Variants in KLF12 observed in about 807,000 individuals in gnomAD.
The protein encoded by KLF12 is KLF transcription factor 12.
A neutral mutation model predicts 37.8 loss-of-function variants in KLF12; 9 were observed. The ratio of observed to expected loss-of-function variants is 0.24; its 90% confidence interval spans 0.14 to 0.42. The LOEUF is 0.42. Ranked by LOEUF, KLF12 falls within the 10% of genes least tolerant of loss-of-function variation. The pLI is 1.00. For synonymous variants in KLF12, 208 were observed against 202.1 expected (o/e 1.03, Z -0.25); for missense variants, 411 against 516.0 (o/e 0.80, Z 1.97).
chr13:74,260,574 T>TAAATAAAATA, the KLF12 span, among the ~76,000 whole-genome samples: 463 of 100,338 alleles, frequency 4.6e-3, 6 homozygotes, highest in South Asian at 8.7e-3. Flanking sequence ...TAAAATAAAA[T>TAAATAAAATA]AAATAAAATA....
intron 2 of KLF12, among the ~76,000 whole-genome samples, chr13:73,962,791 T>C (rs1316227020): frequency 6.6e-6 from 1 of 152,224 alleles, no homozygotes; most frequent in East Asian, 1.9e-4. Context: ...ATGCATTTCC[T>C]AACTCACTTC....
intron 2 of KLF12, among the ~76,000 whole-genome samples, chr13:73,970,748 G>T (rs1285446386): frequency 6.6e-6 from 1 of 152,162 alleles, no homozygotes; most frequent in Non-Finnish European, 1.5e-5. Flanking sequence ...ACATTAGCCA[G>T]CAAAGCACAT....
At chr13:73,913,022 T>A (rs570252912) in intron 3 of KLF12, among the ~76,000 whole-genome samples, 17 of 152,180 alleles carry the variant, frequency 1.1e-4, no homozygotes, top group African/African-American at 3.9e-4. Flanking sequence ...CTGGCCAAGA[T>A]GAGCACTGTG....
intron 1 of KLF12, among the ~76,000 whole-genome samples, chr13:74,088,730 C>A (rs1286659008): frequency 1.3e-5 from 2 of 152,124 alleles, no homozygotes; most frequent in African/African-American, 4.8e-5. Context: ...TCATTCAATG[C>A]CTAAACTTGT....
At chr13:73,783,313 A>G (rs931987941) in intron 5 of KLF12, among the ~76,000 whole-genome samples, 1 of 152,186 alleles carries the variant, frequency 6.6e-6, no homozygotes, top group Non-Finnish European at 1.5e-5. Flanking sequence ...GATGGTTACC[A>G]GAGGCTGGGA....
At chr13:74,159,556 C>T in the KLF12 span, among the ~76,000 whole-genome samples, 1 of 152,124 alleles carries the variant, frequency 6.6e-6, no homozygotes, top group Non-Finnish European at 1.5e-5. Context: ...ATTACTTTAG[C>T]CTGCTCTGGA....
chr13:73,793,308 G>A (rs138207908), intron 5 of KLF12, among the ~76,000 whole-genome samples: 2 of 152,198 alleles, frequency 1.3e-5, no homozygotes, highest in African/African-American at 4.8e-5. Flanking sequence ...ACAGTTATAG[G>A]CTCCAAGTTT....
At chr13:73,893,657 C>T (rs1232682985) in intron 3 of KLF12, among the ~76,000 whole-genome samples, 3 of 152,158 alleles carry the variant, frequency 2.0e-5, no homozygotes, top group African/African-American at 4.8e-5. Flanking sequence ...GCTGGGATTA[C>T]AGGCGTGAGC....
chr13:74,062,974 G>A (rs896898761), intron 1 of KLF12, among the ~76,000 whole-genome samples: 6 of 152,294 alleles, frequency 3.9e-5, no homozygotes, highest in East Asian at 1.9e-4. Context: ...AAGCCCTCAT[G>A]CTTCCCAGAG....
intron 3 of KLF12, among the ~76,000 whole-genome samples, chr13:73,940,328 C>T (rs1479407689): frequency 6.6e-6 from 1 of 152,142 alleles, no homozygotes; most frequent in East Asian, 1.9e-4. Flanking sequence ...GCAGCATGTG[C>T]TGTGTTACCG....
At chr13:74,305,154 T>C in the KLF12 span, among the ~76,000 whole-genome samples, 299 of 152,232 alleles carry the variant, frequency 2.0e-3, 2 homozygotes, top group Non-Finnish European at 3.1e-3. Context: ...TTTTCTGTAC[T>C]TCATGTTGCT....
At chr13:73,730,861 G>A (rs942904910) in intron 6 of KLF12, among the ~76,000 whole-genome samples, 17 of 152,142 alleles carry the variant, frequency 1.1e-4, no homozygotes, top group East Asian at 3.8e-4. Context: ...CCAGGGCCAC[G>A]TATGACAGAC....
chr13:74,122,960 TAAAA>T (rs58691841), intron 1 of KLF12, among the ~76,000 whole-genome samples: 1 of 113,890 alleles, frequency 8.8e-6, no homozygotes. Flanking sequence ...AACAGGTCAC[TAAAA>T]AAAAAAAAAA....
chr13:74,136,826 A>G (rs1157348300), upstream of KLF12, among the ~76,000 whole-genome samples: 1 of 152,146 alleles, frequency 6.6e-6, no homozygotes, highest in African/African-American at 2.4e-5. Flanking sequence ...AAAGATGCAG[A>G]TTTTAAAAAT....
chr13:73,866,183 A>G (rs888222252), intron 3 of KLF12, among the ~76,000 whole-genome samples: 1 of 152,178 alleles, frequency 6.6e-6, no homozygotes, highest in Non-Finnish European at 1.5e-5. Context: ...TGAACCTGGA[A>G]GGCAGAGGTT....
chr13:74,271,757 A>G, the KLF12 span, among the ~76,000 whole-genome samples: 2 of 152,194 alleles, frequency 1.3e-5, no homozygotes, highest in African/African-American at 2.4e-5. Context: ...AAGGTAGGCA[A>G]GTCAGGTATG....
the KLF12 span, among the ~76,000 whole-genome samples, chr13:74,139,648 CTCT>C: frequency 2.0e-5 from 3 of 151,680 alleles, no homozygotes; most frequent in East Asian, 3.9e-4. Context: ...AATTATATTC[CTCT>C]TCATTTTTTA....
chr13:74,269,332 T>C, the KLF12 span, among the ~76,000 whole-genome samples: 1 of 152,214 alleles, frequency 6.6e-6, no homozygotes, highest in Non-Finnish European at 1.5e-5. Context: ...AATCTACCTT[T>C]TATTTCCTGC....
At chr13:73,775,386 C>T (rs772615675) in intron 5 of KLF12, among the ~76,000 whole-genome samples, 1 of 152,054 alleles carries the variant, frequency 6.6e-6, no homozygotes, top group Non-Finnish European at 1.5e-5. Flanking sequence ...TAAAATAATG[C>T]TATGGTAAGT....
Sources: gnomAD v4.1 joint callset for allele counts (sites outside exome capture counted in the v4.1 genomes callset) on GRCh38, gnomAD v4.1.1 for gene constraint, MANE v1.5 for transcripts, NCBI Gene and HGNC (gene_info 2026-07-23, HGNC 2026-07-21) for gene names.